Variants in SMURF2 observed in about 807,000 individuals in gnomAD.
SMURF2 encodes E3 ubiquitin-protein ligase SMURF2.
A neutral mutation model predicts 109.6 loss-of-function variants in SMURF2; 48 were observed. The ratio of observed to expected loss-of-function variants is 0.44; its 90% CI spans 0.35 to 0.56. SMURF2 has a LOEUF of 0.56. Among genes scored for constraint, SMURF2 ranks in the 20% least tolerant of loss-of-function variants. The probability of loss-of-function intolerance (pLI) is 0.01; values close to 1 mark genes in which losing one functional copy is unlikely to be tolerated. For missense variants in SMURF2, 575 were observed against 909.0 expected, an observed-to-expected ratio of 0.63 and a Z score of 4.72; for synonymous variants, 288 against 317.1, an observed-to-expected ratio of 0.91 and a Z score of 0.97.
intron 1 of SMURF2, among the ~76,000 whole-genome samples, chr17:64,655,452 T>C (rs1191748610): frequency 6.6e-6 from 1 of 150,582 alleles, no homozygotes; most frequent in East Asian, 2.0e-4. Context: ...GAGACAGGGT[T>C]TCACCATGTT....
intron 10 of SMURF2, among the ~76,000 whole-genome samples, chr17:64,566,561 GTTTTTTTTTTTTTTTTT>G (rs1164717270): frequency 6.9e-5 from 3 of 43,782 alleles, no homozygotes; most frequent in South Asian, 1.7e-3. Flanking sequence ...AAGCTTTCTG[GTTTTTTTTTTTTTTTTT>G]TTTTTTTTTT....
intron 1 of SMURF2, among the ~76,000 whole-genome samples, chr17:64,623,914 G>C (rs948626445): frequency 3.3e-5 from 5 of 152,172 alleles, no homozygotes; most frequent in Non-Finnish European, 4.4e-5. Flanking sequence ...TAAGTTAAAC[G>C]TAAGTTGTCT....
At chr17:64,612,963 G>T (rs147370553) in intron 1 of SMURF2, among the ~76,000 whole-genome samples, 4 of 152,134 alleles carry the variant, frequency 2.6e-5, no homozygotes, top group African/African-American at 9.7e-5. Flanking sequence ...TGGTCAGACC[G>T]CTATGCTTCA....
intron 15 of SMURF2, among the ~76,000 whole-genome samples, chr17:64,554,199 G>A (rs1391186801): frequency 6.6e-6 from 1 of 152,210 alleles, no homozygotes; most frequent in Admixed American, 6.5e-5. Context: ...TGTGGCCCCA[G>A]TGCCCACATC....
Position 64,598,379 on chromosome 17 carries a change from T to C in SMURF2, c.200+3A>G, listed in dbSNP as rs1555688256. On this transcript the variant is annotated splice_donor_region_variant and intron_variant, in intron 3 of 18. Coordinates refer to ENST00000262435, the MANE Select transcript of SMURF2 (RefSeq NM_022739.4). ...CCATTTCAAACTAATTGTTGAAACC[T>C]ACAGGTCATAATGCTGATTCCACTT... The C allele has an allele frequency of 6.3e-7, 1 of 1,585,850 alleles. No individual in the cohort carries two copies. The highest frequency in any genetic ancestry group is 1.2e-5 in the South Asian group (1 of 86,126).
At chr17:64,661,708 C>T in intron 1 of SMURF2, 121 bp downstream of exon 1, 1 of 624,376 alleles carries the variant, frequency 1.6e-6, no homozygotes, top group Non-Finnish European at 2.2e-6. Context: ...CTAGGCCTTC[C>T]CATTCCTCCG....
intron 1 of SMURF2, among the ~76,000 whole-genome samples, chr17:64,650,433 A>G (rs1344979243): frequency 1.6e-4 from 24 of 152,078 alleles, no homozygotes; most frequent in African/African-American, 5.6e-4. Flanking sequence ...CACAGAGAAA[A>G]TAAGTGATTT....
intron 1 of SMURF2, among the ~76,000 whole-genome samples, chr17:64,630,191 G>T (rs546375883): frequency 2.0e-5 from 3 of 151,834 alleles, no homozygotes; most frequent in Admixed American, 2.0e-4. Flanking sequence ...AGCTGAGATC[G>T]CACCACTGTA....
In SMURF2 at chr17:64,562,903, T is replaced by G; in HGVS notation, c.1080A>C (p.Thr360=). 6.2e-7 allele frequency: 1 copy of G among 1,614,230 alleles called. No homozygotes were observed. The highest frequency in any genetic ancestry group is 8.5e-7 in the Non-Finnish European group (1 of 1,180,020). The change falls in exon 11 of 19, where the codon ACA becomes ACC. Residue 360 remains threonine, a synonymous_variant. Coordinates refer to ENST00000262435, the MANE Select transcript of SMURF2 (RefSeq NM_022739.4). ...TGTACCTTGGGACTGTCAGGCATTC[T>G]GTGTCATCAGGACATAACGATACCA... ...QQVVSLCPDD[T]ECLTVPRYKR...
chr17:64,654,892 G>T (rs1442666781), intron 1 of SMURF2, among the ~76,000 whole-genome samples: 2 of 151,932 alleles, frequency 1.3e-5, no homozygotes, highest in African/African-American at 4.8e-5. Flanking sequence ...GCCCAGGCTG[G>T]TCTCGAACTC....
chr17:64,550,316 C>T (rs1002573103), intron 16 of SMURF2, among the ~76,000 whole-genome samples: 1 of 152,210 alleles, frequency 6.6e-6, no homozygotes, highest in Non-Finnish European at 1.5e-5. Flanking sequence ...TCCCTAACTA[C>T]TAAATAAATT....
Position 64,650,204 on chromosome 17 carries a change from C to CTT in SMURF2, c.52+11623_52+11624dup, listed in dbSNP as rs34557504. 4.3e-3 allele frequency among the ~76,000 whole-genome samples: 569 copies of CTT among 132,600 alleles called. 13 individuals carry two copies. Among genetic ancestry groups the CTT allele is most frequent in the African/African-American group, 0.015 (538 of 36,420 alleles). The allele number at this position is 132,600 out of a possible 152,430, so 87.0% of individuals were successfully genotyped here. A position where few individuals can be genotyped will look rare whatever the true frequency, so the allele number is the denominator to read the frequency against. ...TATTGCTAAAATAAATAAGACTTGC[C>CTT]TTTTTTTTTTTTTTTTGAGACCATG... On this transcript the variant is annotated intron_variant, in intron 1 of 18. Transcript: ENST00000262435.
At chr17:64,614,939 A>G (rs1970101112) in intron 1 of SMURF2, among the ~76,000 whole-genome samples, 1 of 152,232 alleles carries the variant, frequency 6.6e-6, no homozygotes, top group Admixed American at 6.5e-5. Context: ...ACTTCATTTG[A>G]GGCAGCGATT....
At chr17:64,609,479 C>T (rs1463105932) in intron 1 of SMURF2, among the ~76,000 whole-genome samples, 1 of 152,130 alleles carries the variant, frequency 6.6e-6, no homozygotes, top group Non-Finnish European at 1.5e-5. Context: ...ACATCTACAA[C>T]CATCTGATCT....
chr17:64,642,647 T>G (rs1277744731), intron 1 of SMURF2, among the ~76,000 whole-genome samples: 14 of 152,214 alleles, frequency 9.2e-5, no homozygotes, highest in African/African-American at 3.4e-4. Flanking sequence ...GCCATCCCTT[T>G]TTAAAACTTT....
At chr17:64,616,345 GA>G (rs1432231699) in intron 1 of SMURF2, among the ~76,000 whole-genome samples, 1 of 152,048 alleles carries the variant, frequency 6.6e-6, no homozygotes, top group Non-Finnish European at 1.5e-5. Flanking sequence ...ACTTACCAGT[GA>G]TTTTGCTTTT....
chr17:64,553,284 A>C (rs1215140995), intron 15 of SMURF2, among the ~76,000 whole-genome samples: 1 of 151,982 alleles, frequency 6.6e-6, no homozygotes, highest in Non-Finnish European at 1.5e-5. Flanking sequence ...AGGCAAGCAG[A>C]TCACGAGGTC....
In SMURF2 at chr17:64,606,649, A is replaced by G; in HGVS notation, c.53-9T>C. Reference sequence around the variant, plus strand: ...GTTTTTTGCACAGAGTACTGTAAAAAAAAAAAACAAAAAATACATGGGAAA... The same window carrying G: ...GTTTTTTGCACAGAGTACTGTAAAAGAAAAAAACAAAAAATACATGGGAAA... On this transcript the variant is annotated splice_polypyrimidine_tract_variant and intron_variant, in intron 1 of 18. Coordinates refer to ENST00000262435, the MANE Select transcript of SMURF2 (RefSeq NM_022739.4). The G allele has an allele frequency of 6.6e-7, 1 of 1,513,480 alleles. No individual in the cohort carries two copies. The highest frequency in any genetic ancestry group is 8.9e-7 in the Non-Finnish European group (1 of 1,122,156). 93.8% of individuals were successfully genotyped at this position (1,513,480 alleles called of 1,614,324 possible).
intron 1 of SMURF2, among the ~76,000 whole-genome samples, chr17:64,614,147 A>AGCCCATGGCCCAGGGTTGAGG (rs1970090694): frequency 6.6e-6 from 1 of 152,168 alleles, no homozygotes; most frequent in African/African-American, 2.4e-5. Flanking sequence ...CCTGCTGTGC[A>AGCCCATGGCCCAGGGTTGAGG]GCCCATGGCC....
Sources: gnomAD v4.1 joint callset for allele counts (sites outside exome capture counted in the v4.1 genomes callset) on GRCh38, gnomAD v4.1.1 for gene constraint, MANE v1.5 for transcripts, NCBI Gene and HGNC (gene_info 2026-07-23, HGNC 2026-07-21) for gene names.